The following B4GALT6 variants were observed in gnomAD, a reference collection of about 807,000 sequenced individuals.
B4GALT6 encodes the protein UDP-Gal:beta-GlcNAc beta-1,4-galactosyltransferase 6.
B4GALT6 carries 14 observed loss-of-function variants against 46.3 expected under a neutral mutation model. The ratio of observed to expected loss-of-function variants is 0.30; its 90% CI spans 0.20 to 0.47. The LOEUF is 0.47. Among genes scored for constraint, B4GALT6 ranks in the 20% least tolerant of loss-of-function variants. The pLI is 0.99. For missense variants in B4GALT6, 386 were observed against 480.1 expected (o/e 0.80, Z 1.83); for synonymous variants, 168 against 162.0 (o/e 1.04, Z -0.28).
chr18:31,684,465 G>A lies in B4GALT6; in HGVS notation c.-39C>T, dbSNP rs746871542. 1 of 1,603,110 alleles carries A rather than the reference G, an allele frequency of 6.2e-7. No homozygotes were observed. The highest frequency in any genetic ancestry group is 1.1e-5 in the South Asian group (1 of 89,944). On this transcript the variant is annotated 5_prime_UTR_variant, in exon 1 of 9. Transcript: ENST00000306851. Reference sequence around the variant, plus strand: ...GCCAGCAGCCCAGGCTGCGCTCTCAGGCCGGACTCGGGGCCACTGTCCAGG... The same window carrying A: ...GCCAGCAGCCCAGGCTGCGCTCTCAAGCCGGACTCGGGGCCACTGTCCAGG...
intron 2 of B4GALT6, among the ~76,000 whole-genome samples, chr18:31,661,641 G>C (rs1259534446): frequency 1.3e-5 from 2 of 152,012 alleles, no homozygotes; most frequent in African/African-American, 4.8e-5. Context: ...TAATTTTTCT[G>C]AATCTCTTCA....
At chr18:31,721,099 C>A in the B4GALT6 span, among the ~76,000 whole-genome samples, 235 of 144,856 alleles carry the variant, frequency 1.6e-3, no homozygotes, top group Non-Finnish European at 2.7e-3. Flanking sequence ...TTAGGAAGTT[C>A]TTGGCAGAAG....
intron 2 of B4GALT6, among the ~76,000 whole-genome samples, chr18:31,663,315 T>A (rs1055275616): frequency 6.6e-6 from 1 of 152,192 alleles, no homozygotes; most frequent in Non-Finnish European, 1.5e-5. Context: ...GGGGCCTCAA[T>A]TCATGTACCC....
At chr18:31,626,791 T>G (rs1470275449) in intron 7 of B4GALT6, among the ~76,000 whole-genome samples, 3 of 151,920 alleles carry the variant, frequency 2.0e-5, no homozygotes, top group Non-Finnish European at 2.9e-5. Flanking sequence ...GCCAAAAAAG[T>G]TGGGGACCGC....
chr18:31,689,290 C>T (rs1201761223), upstream of B4GALT6, among the ~76,000 whole-genome samples: 1 of 152,062 alleles, frequency 6.6e-6, no homozygotes, highest in African/African-American at 2.4e-5. Flanking sequence ...AAGAAGCCAG[C>T]CCAACAGAAA....
chr18:31,648,391 G>A (rs1453943476), intron 3 of B4GALT6, among the ~76,000 whole-genome samples: 1 of 152,126 alleles, frequency 6.6e-6, no homozygotes, highest in Non-Finnish European at 1.5e-5. Flanking sequence ...GGTGGCGCTG[G>A]GGTTAGAAAG....
chr18:31,661,575 T>C (rs1469994099), intron 2 of B4GALT6, among the ~76,000 whole-genome samples: 3 of 152,168 alleles, frequency 2.0e-5, no homozygotes, highest in South Asian at 4.1e-4. Flanking sequence ...GTTCATATTA[T>C]AGCTTTTGTT....
At chr18:31,722,070 T>G in the B4GALT6 span, among the ~76,000 whole-genome samples, 1 of 152,362 alleles carries the variant, frequency 6.6e-6, no homozygotes, top group East Asian at 1.9e-4. Context: ...CACAAGATTC[T>G]GTAGTACTGA....
At chr18:31,644,691 C>T (rs1486363832) in intron 4 of B4GALT6, among the ~76,000 whole-genome samples, 1 of 152,158 alleles carries the variant, frequency 6.6e-6, no homozygotes, top group East Asian at 1.9e-4. Flanking sequence ...TTATGGCTTT[C>T]AATTTTTTTA....
At chr18:31,657,622 C>T (rs2074157519) in intron 3 of B4GALT6, among the ~76,000 whole-genome samples, 1 of 152,012 alleles carries the variant, frequency 6.6e-6, no homozygotes, top group Non-Finnish European at 1.5e-5. Context: ...TAATCAGGAA[C>T]ATTATAACAT....
chr18:31,693,691 G>A, the B4GALT6 span, among the ~76,000 whole-genome samples: 1 of 152,144 alleles, frequency 6.6e-6, no homozygotes, highest in Non-Finnish European at 1.5e-5. Flanking sequence ...GGGCTGGCTG[G>A]GTACAGTGAC....
upstream of B4GALT6, among the ~76,000 whole-genome samples, chr18:31,689,271 G>A (rs527884224): frequency 1.3e-5 from 2 of 152,258 alleles, no homozygotes; most frequent in Non-Finnish European, 1.5e-5. Flanking sequence ...ATCCTAGGCC[G>A]ACTGGAAAAA....
At chr18:31,676,218 A>C (rs1252864074) in intron 1 of B4GALT6, among the ~76,000 whole-genome samples, 1 of 152,184 alleles carries the variant, frequency 6.6e-6, no homozygotes, top group Non-Finnish European at 1.5e-5. Context: ...ACAAGATTTC[A>C]GTAAAATCAT....
chr18:31,711,232 T>A, the B4GALT6 span, among the ~76,000 whole-genome samples: 7 of 152,336 alleles, frequency 4.6e-5, no homozygotes, highest in South Asian at 1.2e-3. Context: ...AGGACTGGTA[T>A]CCACAAATCA....
upstream of B4GALT6, among the ~76,000 whole-genome samples, chr18:31,687,414 T>C (rs529858548): frequency 1.3e-5 from 2 of 152,326 alleles, no homozygotes; most frequent in South Asian, 4.1e-4. Context: ...CTGTCTCTCA[T>C]AGTCTGAGGG....
the B4GALT6 span, among the ~76,000 whole-genome samples, chr18:31,708,122 T>C: frequency 1.3e-5 from 2 of 152,186 alleles, no homozygotes; most frequent in African/African-American, 4.8e-5. Flanking sequence ...CTCTTGCCAG[T>C]TTCCAGCTTC....
chr18:31,641,389 G>C (rs543740767), intron 4 of B4GALT6, among the ~76,000 whole-genome samples: 1 of 152,306 alleles, frequency 6.6e-6, no homozygotes, highest in African/African-American at 2.4e-5. Flanking sequence ...ATTTTAATGA[G>C]AGGGTTATTA....
At chr18:31,682,866 G>A (rs1160135069) in intron 1 of B4GALT6, among the ~76,000 whole-genome samples, 1 of 152,018 alleles carries the variant, frequency 6.6e-6, no homozygotes, top group African/African-American at 2.4e-5. Flanking sequence ...CTCCAAAATG[G>A]CAAAAAATAA....
chr18:31,672,587 G>A (rs1360929518), intron 1 of B4GALT6, among the ~76,000 whole-genome samples: 3 of 152,184 alleles, frequency 2.0e-5, no homozygotes, highest in Non-Finnish European at 4.4e-5. Flanking sequence ...AAATGCTGCA[G>A]ATGCTAAGGA....
Sources: allele counts gnomAD v4.1 joint callset (sites outside exome capture counted in the v4.1 genomes callset), GRCh38; gene constraint gnomAD v4.1.1; transcripts MANE v1.5; gene names NCBI Gene and HGNC (gene_info 2026-07-23, HGNC 2026-07-21).